Variants in CACNA2D4 observed in about 807,000 individuals in gnomAD.
CACNA2D4 encodes voltage-dependent calcium channel subunit alpha-2/delta-4.
Under a neutral mutation model 163.8 loss-of-function variants are expected in CACNA2D4, and 157 were observed. That is an observed-to-expected ratio of 0.96 (90% CI 0.84 to 1.09). CACNA2D4 has a LOEUF of 1.09. CACNA2D4 is among the 50% of genes least tolerant of loss of function. CACNA2D4 has a pLI of 0.00. For missense variants in CACNA2D4, 1,410 were observed against 1,479.9 expected, an observed-to-expected ratio of 0.95 and a Z score of 0.78; for synonymous variants, 598 against 586.9, an observed-to-expected ratio of 1.02 and a Z score of -0.27.
chr12:1,912,039 G>GC (rs1488197876), intron 3 of CACNA2D4, among the ~76,000 whole-genome samples: 1 of 152,194 alleles, frequency 6.6e-6, no homozygotes, highest in African/African-American at 2.4e-5. Context: ...GGGAAAGAAG[G>GC]CCCCAGCAAC....
At chr12:1,912,334 T>A in intron 3 of CACNA2D4, among the ~76,000 whole-genome samples, 1 of 152,162 alleles carries the variant, frequency 6.6e-6, no homozygotes, top group East Asian at 1.9e-4. Flanking sequence ...ATCTACTGGT[T>A]TATACCATCC....
At chr12:1,868,601 G>A (rs1865705174) in intron 18 of CACNA2D4, among the ~76,000 whole-genome samples, 1 of 151,796 alleles carries the variant, frequency 6.6e-6, no homozygotes, top group African/African-American at 2.4e-5. Flanking sequence ...CTGGAAACTG[G>A]CCAAGAGCAC....
Position 1,856,353 on chromosome 12 carries a change from T to C in CACNA2D4, c.2009-124A>G, listed in dbSNP as rs147574880. ...GGGACTGGGGTCTGTTCTTTCTTGC[T>C]CTTAGCTCACAGTAGGAGAACATGG... On this transcript the variant is annotated intron_variant, in intron 20 of 37. Coordinates refer to ENST00000382722, the MANE Select transcript of CACNA2D4 (RefSeq NM_172364.5). 2,604 of 1,009,846 alleles carry C rather than the reference T, an allele frequency of 2.6e-3. 8 individuals are homozygous for C. The highest frequency in any genetic ancestry group is 5.3e-3 in the Admixed American group (301 of 56,428). The allele number at this position is 1,009,846 out of a possible 1,614,324, so 62.6% of individuals were successfully genotyped here.
At chr12:1,865,775 G>C (rs2154448827) in intron 18 of CACNA2D4, among the ~76,000 whole-genome samples, 1 of 152,332 alleles carries the variant, frequency 6.6e-6, no homozygotes, top group Non-Finnish European at 1.5e-5. Flanking sequence ...CGGGGCGCTG[G>C]CCTGAAGGAC....
intron 18 of CACNA2D4, among the ~76,000 whole-genome samples, chr12:1,872,339 C>T (rs1215634012): frequency 6.6e-6 from 1 of 152,148 alleles, no homozygotes; most frequent in Admixed American, 6.5e-5. Flanking sequence ...TGAGTCCTGC[C>T]TTAAATCATG....
At position 1,828,379 on chromosome 12, in the gene CACNA2D4, G is replaced by A. The variant is rs913510876; in HGVS notation, c.2551+12360C>T. ...CTATGTTCTGGGAAGCCAGGGTCACGCCCACGGTGACAGCATCCCTGCCAG... is the reference window on the plus strand; with the variant it reads ...CTATGTTCTGGGAAGCCAGGGTCACACCCACGGTGACAGCATCCCTGCCAG... On this transcript the variant is annotated intron_variant, in intron 26 of 37. Transcript: ENST00000382722. This position sits in a 1 kb window ranked among gnomAD's most constrained non-coding sequence, Gnocchi z 4.2. Among the ~76,000 whole-genome samples the A allele has an allele frequency of 9.2e-5, 14 of 152,352 alleles. No homozygotes were observed. The highest frequency in any genetic ancestry group is 2.6e-4 in the Admixed American group (4 of 15,310).
intron 1 of CACNA2D4, 156 bp from the exon 2 acceptor site, chr12:1,915,091 C>T (rs1489732671): frequency 1.4e-6 from 1 of 714,030 alleles, no homozygotes; most frequent in East Asian, 2.7e-5. Context: ...ACACATAATG[C>T]ATAAGAAATG....
intron 26 of CACNA2D4, among the ~76,000 whole-genome samples, chr12:1,816,962 G>C (rs570872151): frequency 6.6e-6 from 1 of 152,348 alleles, no homozygotes; most frequent in East Asian, 1.9e-4. Context: ...GAACATATGA[G>C]TTTGCACACT....
intron 29 of CACNA2D4, among the ~76,000 whole-genome samples, chr12:1,803,760 A>C (rs1244716268): frequency 6.6e-6 from 1 of 152,236 alleles, no homozygotes; most frequent in African/African-American, 2.4e-5. Flanking sequence ...GGCACTCACC[A>C]GGTGAGTCTG....
intron 13 of CACNA2D4, among the ~76,000 whole-genome samples, chr12:1,880,189 G>A (rs11838338): frequency 0.22 from 33,137 of 152,240 alleles, 6,000 homozygotes; most frequent in African/African-American, 0.5. Context: ...GGCCCAGGCC[G>A]AGTGTTAAGT....
intron 26 of CACNA2D4, chr12:1,822,022 G>GCAGCTTC (rs1286507797): frequency 6.6e-6 from 1 of 152,128 alleles, no homozygotes; most frequent in Non-Finnish European, 1.5e-5. Context: ...AAACCCGACA[G>GCAGCTTC]CAGCTTCCGA....
chr12:1,896,919 A>G (rs529654305), intron 6 of CACNA2D4, among the ~76,000 whole-genome samples: 1 of 152,370 alleles, frequency 6.6e-6, no homozygotes, highest in Admixed American at 6.5e-5. Context: ...CAAAAGATGA[A>G]TAAAGGAGAT....
chr12:1,868,067 G>T (rs1865692683), intron 18 of CACNA2D4, among the ~76,000 whole-genome samples: 1 of 152,186 alleles, frequency 6.6e-6, no homozygotes, highest in South Asian at 2.1e-4. Flanking sequence ...GGAGCCTAAA[G>T]AAATGAAAAG....
chr12:1,800,451 G>A lies in CACNA2D4; in HGVS notation c.2869-13C>T, dbSNP rs753518210. The A allele has an allele frequency of 3.7e-6, 6 of 1,613,526 alleles. No individual in the cohort carries two copies. Among genetic ancestry groups the A allele is most frequent in the Non-Finnish European group, 5.1e-6 (6 of 1,179,698 alleles). ...AGGCAGAAATTGGCTGGGAAGGAGAGAGTGCACACCGCTCGCACCTAGGTC... is the reference window on the plus strand; with the variant it reads ...AGGCAGAAATTGGCTGGGAAGGAGAAAGTGCACACCGCTCGCACCTAGGTC... On this transcript the variant is annotated splice_polypyrimidine_tract_variant and intron_variant, in intron 31 of 37. Coordinates refer to ENST00000382722, the MANE Select transcript of CACNA2D4 (RefSeq NM_172364.5).
rs1360453423 is a variant in CACNA2D4, at chr12:1,843,544, CTGGTGGAGGGG to C, written c.2470+847_2470+857del. ...TGGGATCAGCCGCCCCAGCACTCACCTGGTGGAGGGGTGGTGGAGGGGTGGCTGTGCCATGC... is the reference window on the plus strand; with the variant it reads ...TGGGATCAGCCGCCCCAGCACTCACCTGGTGGAGGGGTGGCTGTGCCATGC... On this transcript the variant is annotated intron_variant, in intron 25 of 37. Transcript: ENST00000382722. The surrounding 1 kb of genome is among the most constrained non-coding windows in gnomAD (Gnocchi z 4.6). Among the ~76,000 whole-genome samples the C allele has an allele frequency of 2.0e-5, 3 of 152,284 alleles. No homozygotes were observed. Among genetic ancestry groups the C allele is most frequent in the African/African-American group, 7.2e-5 (3 of 41,564 alleles).
At chr12:1,840,646 G>GC in intron 26 of CACNA2D4, 93 bp downstream of exon 26, 3 of 1,009,326 alleles carry the variant, frequency 3.0e-6, no homozygotes, top group Non-Finnish European at 4.6e-6. Flanking sequence ...TGTGGCCCTG[G>GC]CCACATGTGC....
In CACNA2D4 at chr12:1,914,979, C is replaced by T. The variant is rs745441542; in HGVS notation, c.228-44G>A. The T allele has an allele frequency of 4.3e-6, 6 of 1,407,330 alleles. No individual in the cohort carries two copies. The South Asian group carries it at 4.6e-5, about 11-fold the overall frequency. The allele number at this position is 1,407,330 out of a possible 1,614,324, so 87.2% of individuals were successfully genotyped here. A position where few individuals can be genotyped will look rare whatever the true frequency, so the allele number is the denominator to read the frequency against. Reference sequence around the variant, plus strand: ...ACACGCGTATACACACACGTACACGCACAAATACAGAAACACACGCGTAGA... The same window carrying T: ...ACACGCGTATACACACACGTACACGTACAAATACAGAAACACACGCGTAGA... On this transcript the variant is annotated intron_variant, in intron 1 of 37. Coordinates refer to ENST00000382722, the MANE Select transcript of CACNA2D4 (RefSeq NM_172364.5).
At chr12:1,902,693 A>C (rs1866565100) in intron 6 of CACNA2D4, among the ~76,000 whole-genome samples, 1 of 152,072 alleles carries the variant, frequency 6.6e-6, no homozygotes, top group South Asian at 2.1e-4. Flanking sequence ...AAATTATAAA[A>C]TATTGATGTG....
chr12:1,901,044 G>A (rs912614662), intron 6 of CACNA2D4, among the ~76,000 whole-genome samples: 4 of 152,134 alleles, frequency 2.6e-5, no homozygotes, highest in South Asian at 2.1e-4. Context: ...AACAAGAAGA[G>A]GAATTTTGAA....
Sources: gnomAD v4.1 joint callset for allele counts (sites outside exome capture counted in the v4.1 genomes callset) on GRCh38, gnomAD v4.1.1 for gene constraint, Gnocchi (gnomAD v3.1) non-coding constraint, MANE v1.5 for transcripts, NCBI Gene and HGNC (gene_info 2026-07-23, HGNC 2026-07-21) for gene names.